Variants in ADCY7 observed in about 807,000 individuals in gnomAD.
ADCY7 encodes the protein adenylate cyclase type 7.
A neutral mutation model predicts 120.6 loss-of-function variants in ADCY7; 72 were observed. The observed-to-expected ratio is 0.60, with a 90% CI of 0.49 to 0.73. The LOEUF is 0.73. Ranked by LOEUF, ADCY7 falls within the 30% of genes least tolerant of loss-of-function variation. The pLI is 0.00. For synonymous variants in ADCY7, 661 were observed against 628.0 expected (o/e 1.05, Z -0.78); for missense variants, 1,227 against 1,486.0 (o/e 0.83, Z 2.87).
chr16:50,292,622 T>C, intron 4 of ADCY7, 54 bp from the exon 5 acceptor site: 1 of 1,594,798 alleles, frequency 6.3e-7, no homozygotes, highest in Middle Eastern at 1.7e-4. Context: ...GTCTGGTGCC[T>C]CGGGAGGGCA....
intron 18 of ADCY7, 71 bp from the exon 19 acceptor site, chr16:50,310,616 G>C: frequency 5.0e-6 from 8 of 1,604,602 alleles, no homozygotes; most frequent in Non-Finnish European, 6.0e-6. Context: ...GGGCTCTGTG[G>C]TATGTGCTGG....
Position 50,300,602 on chromosome 16 carries a change from G to A in ADCY7, c.1077-113G>A, listed in dbSNP as rs77372440. On this transcript the variant is annotated intron_variant, in intron 8 of 25. Transcript: ENST00000673801. The stretch of plus-strand genomic sequence containing the variant: ...AGGCTGAGAACATTCTCTCCCGTGG[G>A]CTGAGCGCCTGCCCTGTTCCCACAT... The A allele has an allele frequency of 3.0e-3, 3,936 of 1,293,012 alleles. 93 individuals carry two copies. In the African/African-American group the frequency reaches 0.051, roughly 17 times the overall value. 80.1% of individuals were successfully genotyped at this position (1,293,012 alleles called of 1,614,324 possible).
chr16:50,314,824 T>G (rs923171067), intron 24 of ADCY7, 190 bp from the exon 25 acceptor site: 4 of 644,752 alleles, frequency 6.2e-6, no homozygotes, highest in Non-Finnish European at 7.9e-6. Flanking sequence ...GAAAAAGAGC[T>G]GGCCGGGGAA....
At chr16:50,294,189 G>T (rs1434044203) in intron 6 of ADCY7, among the ~76,000 whole-genome samples, 1 of 152,210 alleles carries the variant, frequency 6.6e-6, no homozygotes, top group African/African-American at 2.4e-5. Context: ...TTGTGCATCT[G>T]TAGAACGGGA....
intron 1 of ADCY7, among the ~76,000 whole-genome samples, chr16:50,281,563 A>G (rs566884562): frequency 1.1e-4 from 17 of 152,306 alleles, no homozygotes; most frequent in Admixed American, 5.9e-4. Context: ...TTCACGTCAC[A>G]GGTGTTTGCC....
At position 50,316,783 on chromosome 16, in the gene ADCY7, C is replaced by CTTTT. The variant is rs1000378136; in HGVS notation, c.*1280_*1283dup. 1 of 152,382 alleles carries CTTTT rather than the reference C, an allele frequency of 6.6e-6. No homozygotes were observed. Among genetic ancestry groups the CTTTT allele is most frequent in the African/African-American group, 2.4e-5 (1 of 41,458 alleles). 9.4% of individuals were successfully genotyped at this position (152,382 alleles called of 1,614,324 possible). A position where few individuals can be genotyped will look rare whatever the true frequency, so the allele number is the denominator to read the frequency against. On this transcript the variant is annotated 3_prime_UTR_variant, in exon 26 of 26. Transcript: ENST00000673801. ...TGAGAAATGACCAAACTGCCCGTGA[C>CTTTT]TTTTTCTGAATGGACTTCATAACCG...
rs190013714 is a variant in ADCY7, at chr16:50,270,584, C to T, written c.-269+3904C>T. 4.0e-3 allele frequency among the ~76,000 whole-genome samples: 602 copies of T among 152,358 alleles called. 6 individuals carry two copies. Among genetic ancestry groups the T allele is most frequent in the African/African-American group, 0.014 (573 of 41,586 alleles). ...GCTACCTAAGTGGAAGTGTGCGTCA[C>T]TGTCGGTGTCGTGAGGCTCTCGTCT... is the stretch of plus-strand genomic sequence containing the variant. On this transcript the variant is annotated intron_variant, in intron 1 of 25. Transcript: ENST00000673801.
chr16:50,284,956 G>A (rs935270987), intron 1 of ADCY7, among the ~76,000 whole-genome samples: 3 of 152,196 alleles, frequency 2.0e-5, no homozygotes, highest in Admixed American at 2.0e-4. Flanking sequence ...ATTTTGGGGT[G>A]GGGGGTGCTG....
intron 21 of ADCY7, 40 bp downstream of exon 21, chr16:50,312,231 A>G (rs768412501): frequency 6.2e-7 from 1 of 1,609,944 alleles, no homozygotes; most frequent in South Asian, 1.1e-5. Flanking sequence ...AGGGAGGCGG[A>G]CGGTCCAGGC....
Position 50,278,874 on chromosome 16 carries a change from CTTTTT to C in ADCY7, c.-268-9025_-268-9021del, listed in dbSNP as rs869067221. On this transcript the variant is annotated intron_variant, in intron 1 of 25. Coordinates refer to ENST00000673801, the MANE Select transcript of ADCY7 (RefSeq NM_001114.5). ...GTGAAATGGATCTCTCTCTCTCTCT[CTTTTT>C]TTTTTTTTTTTTGGCAGAGCCTCAC... is the stretch of plus-strand genomic sequence containing the variant. Among the ~76,000 whole-genome samples the C allele has an allele frequency of 3.8e-5, 3 of 79,668 alleles. No individual in the cohort carries two copies. The South Asian group carries it at 1.3e-3, about 35-fold the overall frequency. The allele number at this position is 79,668 out of a possible 152,430, so 52.3% of individuals were successfully genotyped here.
intron 18 of ADCY7, chr16:50,310,303 T>G (rs2036369618): frequency 2.9e-6 from 2 of 680,444 alleles, no homozygotes; most frequent in Non-Finnish European, 5.1e-6. Context: ...GTGAAGAGCG[T>G]GGTCTTTATT....
intron 1 of ADCY7, among the ~76,000 whole-genome samples, chr16:50,255,402 G>GAAAAAAAA (rs60335173): frequency 1.8e-5 from 2 of 108,140 alleles, no homozygotes; most frequent in Non-Finnish European, 3.5e-5. Context: ...TCTGTTTCTG[G>GAAAAAAAA]AAAAAAAAAA....
chr16:50,309,169 C>T (rs1312996934), intron 17 of ADCY7: 1 of 315,240 alleles, frequency 3.2e-6, no homozygotes, highest in Non-Finnish European at 5.9e-6. Flanking sequence ...ACTTGTCCAC[C>T]TCTCTCCCAG....
At chr16:50,298,802 A>C in intron 7 of ADCY7, 102 bp from the exon 8 acceptor site, 1 of 1,487,728 alleles carries the variant, frequency 6.7e-7, no homozygotes. Context: ...GCCCCCAGCC[A>C]GGAGAGAGCC....
intron 1 of ADCY7, among the ~76,000 whole-genome samples, chr16:50,259,240 G>C (rs2032996958): frequency 6.6e-6 from 1 of 152,172 alleles, no homozygotes; most frequent in African/African-American, 2.4e-5. Flanking sequence ...CGTTAAAAAA[G>C]AAAGGGGTCA....
At position 50,313,065 on chromosome 16, in the gene ADCY7, C is replaced by T. The variant is rs113314192; in HGVS notation, c.2751+29C>T. Reference sequence around the variant, plus strand: ...CAGCCTCTAGCCCAGCCTTGCGCAGCAGCCCCCACCCATGCTGGAGAGGGA... The same window carrying T: ...CAGCCTCTAGCCCAGCCTTGCGCAGTAGCCCCCACCCATGCTGGAGAGGGA... On this transcript the variant is annotated intron_variant, in intron 22 of 25. Transcript: ENST00000673801. 1.9e-3 allele frequency: 3,095 copies of T among 1,612,074 alleles called. 58 individuals carry two copies. In the African/African-American group the frequency reaches 0.036, roughly 19 times the overall value.
chr16:50,315,596 A>G lies in ADCY7; in HGVS notation c.*91A>G. 1 of 1,504,408 alleles carries G rather than the reference A, an allele frequency of 6.6e-7. No individual in the cohort carries two copies. The highest frequency in any genetic ancestry group is 9.0e-7 in the Non-Finnish European group (1 of 1,106,406). The allele number at this position is 1,504,408 out of a possible 1,614,324, so 93.2% of individuals were successfully genotyped here. A position where few individuals can be genotyped will look rare whatever the true frequency, so the allele number is the denominator to read the frequency against. The stretch of plus-strand genomic sequence containing the variant: ...AGACTCTCCGCCCCACGCCAATCCC[A>G]AAGGCATGCAGATGGCTGTGCATGT... On this transcript the variant is annotated 3_prime_UTR_variant, in exon 26 of 26. Coordinates refer to ENST00000673801, the MANE Select transcript of ADCY7 (RefSeq NM_001114.5).
intron 4 of ADCY7, 133 bp from the exon 5 acceptor site, chr16:50,292,543 A>G (rs1047658522): frequency 6.2e-6 from 7 of 1,136,288 alleles, no homozygotes; most frequent in African/African-American, 3.1e-5. Flanking sequence ...CTGCCCCAGG[A>G]AGAGTGCCAT....
At chr16:50,253,644 C>T (rs2150783133) in intron 1 of ADCY7, among the ~76,000 whole-genome samples, 1 of 152,320 alleles carries the variant, frequency 6.6e-6, no homozygotes, top group Admixed American at 6.5e-5. Context: ...AGGTCTTGGG[C>T]ACTGAGCGCT....
Sources: gnomAD v4.1 joint callset for allele counts (sites outside exome capture counted in the v4.1 genomes callset) on GRCh38, gnomAD v4.1.1 for gene constraint, MANE v1.5 for transcripts, NCBI Gene and HGNC (gene_info 2026-07-23, HGNC 2026-07-21) for gene names.